The following XKR9 variants were observed in gnomAD, a reference collection of about 807,000 sequenced individuals.
XKR9 encodes the protein XK related 9, also known as XK-related protein 9.
Under a neutral mutation model 32.0 loss-of-function variants are expected in XKR9, and 32 were observed. The ratio of observed to expected loss-of-function variants is 1.00; its 90% CI spans 0.76 to 1.34. The LOEUF is 1.34. Among genes scored for constraint, XKR9 ranks in the 40% most tolerant of loss-of-function variants. XKR9 has a pLI of 0.00. For synonymous variants in XKR9, 168 were observed against 143.4 expected, an observed-to-expected ratio of 1.17 and a Z score of -1.22; for missense variants, 546 against 429.7, an observed-to-expected ratio of 1.27 and a Z score of -2.39.
intron 4 of XKR9, among the ~76,000 whole-genome samples, chr8:70,707,795 ATTTG>A (rs1157706510): frequency 6.6e-6 from 1 of 152,030 alleles, no homozygotes; most frequent in Non-Finnish European, 1.5e-5. Flanking sequence ...TTTACAGTAG[ATTTG>A]TTTGTTAAGG....
chr8:71,021,932 T>C, the XKR9 span, among the ~76,000 whole-genome samples: 1 of 152,256 alleles, frequency 6.6e-6, no homozygotes, highest in East Asian at 1.9e-4. Context: ...AGAATGGTGT[T>C]ACCTAGTTTT....
the XKR9 span, among the ~76,000 whole-genome samples, chr8:71,055,595 A>C: frequency 1.3e-5 from 2 of 152,230 alleles, no homozygotes; most frequent in African/African-American, 4.8e-5. Context: ...AAATAAAAGC[A>C]GAAAAGGATT....
the XKR9 span, among the ~76,000 whole-genome samples, chr8:70,930,985 A>G: frequency 2.0e-5 from 3 of 152,150 alleles, no homozygotes; most frequent in African/African-American, 7.2e-5. Context: ...ACCTGACCCA[A>G]GCCAGTTAGT....
At chr8:70,675,050 T>G (rs1239173090) in intron 2 of XKR9, among the ~76,000 whole-genome samples, 151 bp downstream of exon 2, 1 of 152,130 alleles carries the variant, frequency 6.6e-6, no homozygotes, top group Non-Finnish European at 1.5e-5. Context: ...CATAGCTAGG[T>G]TGATATTTGG....
In XKR9 at chr8:70,745,418, C is replaced by A. The variant is rs189602374; in HGVS notation, n.352+38265C>A. Among the ~76,000 whole-genome samples, 6 of 152,236 alleles carry A rather than the reference C, an allele frequency of 3.9e-5. No individual in the cohort carries two copies. In the East Asian group the frequency reaches 1.2e-3, roughly 29 times the overall value. ...ACTTTCATAAAAGAACACTCATATG[C>A]ACCTATATACATTCACATCTTCAAA... On this transcript the variant is annotated intron_variant and non_coding_transcript_variant, in intron 2 of 3. Transcript: ENST00000520273.
At chr8:71,034,410 G>A in the XKR9 span, among the ~76,000 whole-genome samples, 8 of 152,332 alleles carry the variant, frequency 5.3e-5, no homozygotes, top group African/African-American at 1.9e-4. Flanking sequence ...ATGTGGAGCT[G>A]TGAGTCGATT....
the XKR9 span, among the ~76,000 whole-genome samples, chr8:71,002,977 T>A: frequency 1.3e-5 from 2 of 152,228 alleles, no homozygotes; most frequent in Admixed American, 1.3e-4. Context: ...TGTGAGGAGA[T>A]GACATTCACA....
At chr8:70,999,954 G>A in the XKR9 span, among the ~76,000 whole-genome samples, 1 of 152,036 alleles carries the variant, frequency 6.6e-6, no homozygotes, top group African/African-American at 2.4e-5. Flanking sequence ...ATTAAAAATA[G>A]ATATCTTTTA....
At chr8:70,817,455 C>T in the XKR9 span, among the ~76,000 whole-genome samples, 1 of 152,122 alleles carries the variant, frequency 6.6e-6, no homozygotes, top group Non-Finnish European at 1.5e-5. Context: ...AACTACAAAA[C>T]ACTGCTGAAA....
chr8:70,855,494 C>A, the XKR9 span, among the ~76,000 whole-genome samples: 4 of 152,102 alleles, frequency 2.6e-5, no homozygotes, highest in Non-Finnish European at 4.4e-5. Context: ...ACCAAATCTA[C>A]GTCTGATTGG....
At chr8:70,698,750 C>T (rs1805391103) in intron 3 of XKR9, among the ~76,000 whole-genome samples, 1 of 152,164 alleles carries the variant, frequency 6.6e-6, no homozygotes. Flanking sequence ...CGTTAACTTT[C>T]TGTCTTGTTG....
chr8:71,050,258 TATAGATAGATAG>T, the XKR9 span, among the ~76,000 whole-genome samples: 38 of 106,620 alleles, frequency 3.6e-4, 1 homozygote, highest in South Asian at 9.2e-4. Flanking sequence ...TATATATATA[TATAGATAGATAG>T]ATAGATATAG....
At chr8:70,825,569 G>A in the XKR9 span, among the ~76,000 whole-genome samples, 1 of 152,118 alleles carries the variant, frequency 6.6e-6, no homozygotes, top group South Asian at 2.1e-4. Context: ...ACATTTCCTT[G>A]AATGATTGCC....
At chr8:70,900,600 GAATAAATA>G in the XKR9 span, among the ~76,000 whole-genome samples, 12 of 131,068 alleles carry the variant, frequency 9.2e-5, no homozygotes, top group Non-Finnish European at 2.1e-4. Flanking sequence ...AAAATTAAAT[GAATAAATA>G]AATAAATAAA....
chr8:70,943,815 C>A, the XKR9 span, among the ~76,000 whole-genome samples: 1 of 151,960 alleles, frequency 6.6e-6, no homozygotes, highest in Admixed American at 6.6e-5. Flanking sequence ...AATTAAAGCC[C>A]ACTTTTAAAA....
chr8:70,837,978 C>A, the XKR9 span, among the ~76,000 whole-genome samples: 3 of 152,046 alleles, frequency 2.0e-5, no homozygotes, highest in Non-Finnish European at 4.4e-5. Flanking sequence ...TCTCTTTCTA[C>A]TTAAGGCTTG....
At chr8:70,975,324 T>A in the XKR9 span, among the ~76,000 whole-genome samples, 1 of 152,262 alleles carries the variant, frequency 6.6e-6, no homozygotes, top group Non-Finnish European at 1.5e-5. Context: ...CCCATGCCTA[T>A]GTCCTGAATG....
chr8:70,779,101 T>C (rs1023593054), intron 2 of XKR9, among the ~76,000 whole-genome samples: 1 of 152,172 alleles, frequency 6.6e-6, no homozygotes, highest in Non-Finnish European at 1.5e-5. Flanking sequence ...TAAATAGCTC[T>C]TATTATTTTG....
At chr8:70,981,599 G>A in the XKR9 span, among the ~76,000 whole-genome samples, 14 of 151,930 alleles carry the variant, frequency 9.2e-5, no homozygotes, top group Admixed American at 2.6e-4. Context: ...CTGGTGCCTC[G>A]CTGATTAGCT....
Sources: gnomAD v4.1 joint callset for allele counts (sites outside exome capture counted in the v4.1 genomes callset) on GRCh38, gnomAD v4.1.1 for gene constraint, MANE v1.5 for transcripts, NCBI Gene and HGNC (gene_info 2026-07-23, HGNC 2026-07-21) for gene names.